Variants in HCN1 observed in about 807,000 individuals in gnomAD.
The protein encoded by HCN1 is potassium/sodium hyperpolarization-activated cyclic nucleotide-gated channel 1.
Under a neutral mutation model 78.9 loss-of-function variants are expected in HCN1, and 13 were observed. The ratio of observed to expected loss-of-function variants is 0.16; its 90% confidence interval spans 0.11 to 0.26. HCN1 has a LOEUF of 0.26. Ranked by LOEUF, HCN1 falls within the 10% of genes least tolerant of loss-of-function variation. The probability of loss-of-function intolerance (pLI) is 1.00; values close to 1 mark genes in which losing one functional copy is unlikely to be tolerated. For missense variants in HCN1, 810 were observed against 1,154.3 expected, an observed-to-expected ratio of 0.70 and a Z score of 4.32; for synonymous variants, 552 against 455.5, an observed-to-expected ratio of 1.21 and a Z score of -2.70.
At chr5:45,490,477 C>A (rs1371567761) in intron 2 of HCN1, among the ~76,000 whole-genome samples, 1 of 152,114 alleles carries the variant, frequency 6.6e-6, no homozygotes, top group Non-Finnish European at 1.5e-5. Context: ...TTGTCCCTTC[C>A]TCTTTCTGAG....
chr5:45,392,891 T>G lies in HCN1; in HGVS notation c.1230+3601A>C, dbSNP rs142306062. 7.3e-4 allele frequency among the ~76,000 whole-genome samples: 111 copies of G among 152,268 alleles called. 3 individuals are homozygous for G. In the East Asian group the frequency reaches 0.021, roughly 29 times the overall value. On this transcript the variant is annotated intron_variant, in intron 4 of 7. Transcript: ENST00000303230. ...TAGCGTTTTTATTTCATATACTCGA[T>G]AAACTGAGACTCAGCACATTCTTTG... is the stretch of plus-strand genomic sequence containing the variant.
intron 7 of HCN1, among the ~76,000 whole-genome samples, chr5:45,265,189 T>TA (rs34632955): frequency 0.04 from 5,614 of 140,180 alleles, 157 homozygotes; most frequent in Admixed American, 0.1. Flanking sequence ...GATTCTGTCT[T>TA]AAAAAAAAAA....
intron 3 of HCN1, among the ~76,000 whole-genome samples, chr5:45,417,801 A>C (rs982841602): frequency 6.7e-6 from 1 of 150,130 alleles, no homozygotes; most frequent in Non-Finnish European, 1.5e-5. Flanking sequence ...AAGGTGTATG[A>C]CTTCATGGTG....
At chr5:45,666,675 A>T (rs1746057450) in intron 1 of HCN1, among the ~76,000 whole-genome samples, 1 of 150,528 alleles carries the variant, frequency 6.6e-6, no homozygotes, top group South Asian at 2.1e-4. Context: ...ATGGCCAGGG[A>T]TCACATCTAT....
At chr5:45,404,015 T>C (rs568990412) in intron 3 of HCN1, among the ~76,000 whole-genome samples, 7 of 152,274 alleles carry the variant, frequency 4.6e-5, no homozygotes, top group African/African-American at 1.4e-4. Flanking sequence ...TTTATAAGCC[T>C]ACAAAAGTCA....
rs576684729 is a variant in HCN1, at chr5:45,354,324, A to C, written c.1231-1078T>G. On this transcript the variant is annotated intron_variant, in intron 4 of 7. Transcript: ENST00000303230. ...ACTGAAAAAAAAATAATTAGGTCTT[A>C]AAAATTTTGTTTCATTGTATAGATG... is the stretch of plus-strand genomic sequence containing the variant. Among the ~76,000 whole-genome samples, 16 of 152,174 alleles carry C rather than the reference A, an allele frequency of 1.1e-4. No individual in the cohort carries two copies. The South Asian group carries it at 3.3e-3, about 32-fold the overall frequency.
chr5:45,272,924 G>C (rs537425649), intron 6 of HCN1, among the ~76,000 whole-genome samples: 2 of 152,062 alleles, frequency 1.3e-5, no homozygotes, highest in African/African-American at 2.4e-5. Context: ...TTTAAAGATT[G>C]TCTTGGCATA....
intron 2 of HCN1, among the ~76,000 whole-genome samples, chr5:45,619,840 G>A (rs1001719346): frequency 1.2e-4 from 18 of 151,960 alleles, no homozygotes; most frequent in South Asian, 4.2e-4. Flanking sequence ...TTCCTCTCTC[G>A]GGTGGTAGAG....
chr5:45,350,777 T>A (rs1279013680), intron 5 of HCN1, among the ~76,000 whole-genome samples: 8 of 151,914 alleles, frequency 5.3e-5, no homozygotes, highest in African/African-American at 1.9e-4. Context: ...CATTCACAAT[T>A]GCTTCAAAGA....
chr5:45,623,842 G>A (rs535675556), intron 2 of HCN1, among the ~76,000 whole-genome samples: 1 of 152,164 alleles, frequency 6.6e-6, no homozygotes, highest in Non-Finnish European at 1.5e-5. Context: ...CAGGATGGAT[G>A]AGTAATGATG....
intron 2 of HCN1, among the ~76,000 whole-genome samples, chr5:45,581,208 T>C (rs1477148313): frequency 2.0e-5 from 3 of 152,232 alleles, no homozygotes; most frequent in Non-Finnish European, 4.4e-5. Context: ...TGTTGTTTCC[T>C]GACTTTTTAA....
At chr5:45,525,322 A>C (rs1233610120) in intron 2 of HCN1, among the ~76,000 whole-genome samples, 1 of 152,000 alleles carries the variant, frequency 6.6e-6, no homozygotes, top group African/African-American at 2.4e-5. Flanking sequence ...GCAAACATAC[A>C]AAGTATTATA....
chr5:45,314,427 G>T (rs189833377), intron 5 of HCN1, among the ~76,000 whole-genome samples: 1 of 152,080 alleles, frequency 6.6e-6, no homozygotes, highest in Non-Finnish European at 1.5e-5. Flanking sequence ...TGTAAAGACC[G>T]TCAAGGCTAG....
intron 5 of HCN1, among the ~76,000 whole-genome samples, chr5:45,348,274 T>A (rs926689621): frequency 1.3e-5 from 2 of 152,108 alleles, no homozygotes; most frequent in Non-Finnish European, 2.9e-5. Context: ...CTAAGCTTCA[T>A]AAGTGAAGGA....
chr5:45,348,950 A>G (rs1449245734), intron 5 of HCN1, among the ~76,000 whole-genome samples: 1 of 152,238 alleles, frequency 6.6e-6, no homozygotes, highest in African/African-American at 2.4e-5. Context: ...CACTGTCAAC[A>G]TTAGACAGAT....
chr5:45,386,158 C>T (rs1747903318), intron 4 of HCN1, among the ~76,000 whole-genome samples: 1 of 151,162 alleles, frequency 6.6e-6, no homozygotes, highest in Admixed American at 6.6e-5. Flanking sequence ...TTTTCTGTTC[C>T]TCCTTCTTGC....
chr5:45,648,815 G>A (rs1248223744), intron 1 of HCN1, among the ~76,000 whole-genome samples: 2 of 151,632 alleles, frequency 1.3e-5, no homozygotes, highest in Non-Finnish European at 2.9e-5. Context: ...TCTGGGCAGA[G>A]CCACCTTCTG....
intron 2 of HCN1, among the ~76,000 whole-genome samples, chr5:45,537,930 T>C (rs569024849): frequency 1.3e-5 from 2 of 152,224 alleles, no homozygotes; most frequent in East Asian, 3.9e-4. Context: ...AATGGATCTT[T>C]GACAGAAAGT....
intron 2 of HCN1, among the ~76,000 whole-genome samples, chr5:45,492,555 C>G (rs377371525): frequency 7.7e-6 from 1 of 130,118 alleles, no homozygotes; most frequent in Non-Finnish European, 1.6e-5. Flanking sequence ...GAGCCTTGCT[C>G]TGTCGCCCAG....
Sources: gnomAD v4.1 joint callset for allele counts (sites outside exome capture counted in the v4.1 genomes callset) on GRCh38, gnomAD v4.1.1 for gene constraint, MANE v1.5 for transcripts, NCBI Gene and HGNC (gene_info 2026-07-23, HGNC 2026-07-21) for gene names.